Variants in PDZD2 observed in about 807,000 individuals in gnomAD.
PDZD2 encodes the protein PDZ domain containing 2, also known as PDZ domain-containing protein 2.
A neutral mutation model predicts 220.7 loss-of-function variants in PDZD2; 90 were observed. The observed-to-expected ratio is 0.41, with a 90% confidence interval of 0.34 to 0.49. The LOEUF is 0.49. PDZD2 is among the 20% of genes least tolerant of loss of function. The probability of loss-of-function intolerance (pLI) is 0.28; values close to 1 mark genes in which losing one functional copy is unlikely to be tolerated. For synonymous variants in PDZD2, 1,375 were observed against 1,450.5 expected, an observed-to-expected ratio of 0.95 and a Z score of 1.18; for missense variants, 3,174 against 3,608.5, an observed-to-expected ratio of 0.88 and a Z score of 3.08.
At chr5:31,854,931 A>G (rs191020071) in intron 2 of PDZD2, 1 of 979,954 alleles carries the variant, frequency 1.0e-6, no homozygotes, top group Non-Finnish European at 1.2e-6. Flanking sequence ...GGGTCCTCCC[A>G]CAGACCTGGA....
chr5:31,660,512 C>A (rs1745719732), intron 1 of PDZD2, among the ~76,000 whole-genome samples: 1 of 152,112 alleles, frequency 6.6e-6, no homozygotes, highest in East Asian at 1.9e-4. Flanking sequence ...GAAGGGGAAG[C>A]AAACATGTCC....
At chr5:31,698,138 A>G (rs1580582520) in intron 1 of PDZD2, among the ~76,000 whole-genome samples, 2 of 146,718 alleles carry the variant, frequency 1.4e-5, no homozygotes, top group South Asian at 4.4e-4. Context: ...CGATCTCTTG[A>G]CCTCATGATC....
At chr5:31,778,673 C>G (rs1253996760) in intron 1 of PDZD2, among the ~76,000 whole-genome samples, 2 of 152,158 alleles carry the variant, frequency 1.3e-5, no homozygotes, top group African/African-American at 2.4e-5. Flanking sequence ...TCTTTAGGAA[C>G]TTTAACACTC....
chr5:31,942,725 G>A (rs1404202385), intron 2 of PDZD2, among the ~76,000 whole-genome samples: 4 of 152,190 alleles, frequency 2.6e-5, no homozygotes, highest in Admixed American at 2.0e-4. Flanking sequence ...CACATGGTTT[G>A]TTTTTGTTAG....
At chr5:31,777,197 G>A (rs545651389) in intron 1 of PDZD2, among the ~76,000 whole-genome samples, 5 of 152,308 alleles carry the variant, frequency 3.3e-5, no homozygotes, top group African/African-American at 1.2e-4. Context: ...CGCACTCGGA[G>A]TGGCTGGCAG....
At chr5:31,829,043 A>G (rs1356946588) in intron 2 of PDZD2, among the ~76,000 whole-genome samples, 1 of 152,214 alleles carries the variant, frequency 6.6e-6, no homozygotes, top group Non-Finnish European at 1.5e-5. Flanking sequence ...CCTTTCAGAG[A>G]GCTGTTGGAC....
At chr5:32,056,191 T>C (rs1369099968) in intron 10 of PDZD2, among the ~76,000 whole-genome samples, 1 of 152,236 alleles carries the variant, frequency 6.6e-6, no homozygotes, top group Non-Finnish European at 1.5e-5. Flanking sequence ...ATTGAGTAAT[T>C]GGTTATGCCA....
intron 1 of PDZD2, among the ~76,000 whole-genome samples, chr5:31,682,876 A>C (rs1746703670): frequency 6.6e-6 from 1 of 151,930 alleles, no homozygotes; most frequent in Admixed American, 6.6e-5. Context: ...TCCAGCCATA[A>C]GCTTACGCAG....
In PDZD2 at chr5:31,642,408, G is replaced by A. The variant is rs540368964; in HGVS notation, c.-361+2971G>A. Among the ~76,000 whole-genome samples, 3 of 152,298 alleles carry A rather than the reference G, an allele frequency of 2.0e-5. No individual in the cohort carries two copies. The East Asian group carries it at 5.8e-4, about 29-fold the overall frequency. On this transcript the variant is annotated intron_variant, in intron 1 of 24. Coordinates refer to ENST00000438447, the MANE Select transcript of PDZD2 (RefSeq NM_178140.4). ...GATGTCTCAGAGACGCCCATCCCCA[G>A]AAGGATGATAGGAAAAGGCCACTGA...
intron 2 of PDZD2, among the ~76,000 whole-genome samples, chr5:31,927,675 G>T (rs563374614): frequency 5.9e-5 from 9 of 151,990 alleles, no homozygotes; most frequent in Non-Finnish European, 1.2e-4. Flanking sequence ...ATGATCCACC[G>T]CACCTGGCCT....
At position 31,689,359 on chromosome 5, in the gene PDZD2, T is replaced by A. The variant is rs1159556351; in HGVS notation, c.-361+49922T>A. On this transcript the variant is annotated intron_variant, in intron 1 of 24. Transcript: ENST00000438447. ...TACATATATATATATATATATTTTT[T>A]TTTTTTTTTTTTTTAAGTCGAGACG... Among the ~76,000 whole-genome samples, 136 of 70,626 alleles carry A rather than the reference T, an allele frequency of 1.9e-3. 1 individual carries two copies. Among genetic ancestry groups the A allele is most frequent in the African/African-American group, 8.6e-3 (107 of 12,450 alleles). 46.3% of individuals were successfully genotyped at this position (70,626 alleles called of 152,430 possible).
Position 32,108,490 on chromosome 5 carries a change from A to AACAT in PDZD2, c.*358_*361dup, listed in dbSNP as rs1331766577. On this transcript the variant is annotated 3_prime_UTR_variant, in exon 25 of 25. Coordinates refer to ENST00000438447, the MANE Select transcript of PDZD2 (RefSeq NM_178140.4). ...TTGCTTCCTTCTTGCCAGCTCTCCC[A>AACAT]ACATACCCAATCCTGGTGATCAGGG... 1 of 158,562 alleles carries AACAT rather than the reference A, an allele frequency of 6.3e-6. No individual in the cohort carries two copies. The highest frequency in any genetic ancestry group is 1.8e-4 in the East Asian group (1 of 5,580). 9.8% of individuals were successfully genotyped at this position (158,562 alleles called of 1,614,324 possible).
chr5:31,878,919 T>G (rs1422344485), intron 2 of PDZD2, among the ~76,000 whole-genome samples: 1 of 152,078 alleles, frequency 6.6e-6, no homozygotes, highest in African/African-American at 2.4e-5. Context: ...TAAATATCTG[T>G]TATTGTCTAC....
intron 2 of PDZD2, among the ~76,000 whole-genome samples, chr5:31,854,458 G>C (rs1346621416): frequency 6.6e-6 from 1 of 152,226 alleles, no homozygotes; most frequent in Non-Finnish European, 1.5e-5. Context: ...TCTGACCGGG[G>C]ATTTCTGGAA....
chr5:31,849,892 A>G (rs1229027015), intron 2 of PDZD2, among the ~76,000 whole-genome samples: 1 of 27,644 alleles, frequency 3.6e-5, no homozygotes, highest in Non-Finnish European at 5.7e-5. Flanking sequence ...ATATATACAC[A>G]TATATATATA....
intron 1 of PDZD2, among the ~76,000 whole-genome samples, chr5:31,726,631 T>C (rs6859714): frequency 0.11 from 16,554 of 152,204 alleles, 1,013 homozygotes; most frequent in African/African-American, 0.15. Context: ...GACAAAGTTT[T>C]TGTACCCCTC....
intron 1 of PDZD2, among the ~76,000 whole-genome samples, chr5:31,655,169 GTTTTGT>G (rs1238073497): frequency 7.9e-5 from 12 of 151,672 alleles, no homozygotes; most frequent in Non-Finnish European, 1.6e-4. Context: ...TCAGATTTTT[GTTTTGT>G]TTTTGTTTTT....
chr5:31,859,844 A>G (rs944583157), intron 2 of PDZD2, among the ~76,000 whole-genome samples: 20 of 152,146 alleles, frequency 1.3e-4, no homozygotes, highest in African/African-American at 4.8e-4. Flanking sequence ...GGCACACACT[A>G]ACCTTTCCAT....
chr5:31,994,692 G>T (rs1331209329), intron 3 of PDZD2, among the ~76,000 whole-genome samples: 1 of 151,920 alleles, frequency 6.6e-6, no homozygotes, highest in Non-Finnish European at 1.5e-5. Flanking sequence ...TCACCATGCT[G>T]GCCAGGCTGG....
Sources: allele counts gnomAD v4.1 joint callset (sites outside exome capture counted in the v4.1 genomes callset), GRCh38; gene constraint gnomAD v4.1.1; transcripts MANE v1.5; gene names NCBI Gene and HGNC (gene_info 2026-07-23, HGNC 2026-07-21).